Variants in ATP8A1 observed in about 807,000 individuals in gnomAD.
The protein encoded by ATP8A1 is ATPase phospholipid transporting 8A1, also known as phospholipid-transporting ATPase IA.
In ATP8A1, 90 loss-of-function variants were observed where a neutral mutation model predicts 177.7. The observed-to-expected ratio is 0.51, with a 90% CI of 0.43 to 0.60. The LOEUF (loss-of-function observed/expected upper bound fraction) is 0.60, where lower values mean the gene tolerates loss of function less well. Among genes scored for constraint, ATP8A1 ranks in the 20% least tolerant of loss-of-function variants. The pLI, the probability that ATP8A1 is intolerant of heterozygous loss-of-function variation, is 0.00. For missense variants in ATP8A1, 1,072 were observed against 1,392.8 expected, an observed-to-expected ratio of 0.77 and a Z score of 3.67; for synonymous variants, 493 against 485.9, an observed-to-expected ratio of 1.01 and a Z score of -0.19.
intron 12 of ATP8A1, 31 bp downstream of exon 12, chr4:42,578,228 GT>G (rs1334793099): frequency 6.5e-7 from 1 of 1,535,448 alleles, no homozygotes; most frequent in Non-Finnish European, 8.8e-7. Flanking sequence ...AAATTATTTT[GT>G]AGGGTGATAA....
At chr4:42,560,033 G>A (rs1334653891) in intron 15 of ATP8A1, among the ~76,000 whole-genome samples, 1 of 152,098 alleles carries the variant, frequency 6.6e-6, no homozygotes, top group Admixed American at 6.5e-5. Context: ...ATAGCAAAGA[G>A]TTAGGAAACA....
At chr4:42,635,810 T>TATATATATATATATATATACAC (rs1305090729) in intron 1 of ATP8A1, among the ~76,000 whole-genome samples, 2 of 103,896 alleles carry the variant, frequency 1.9e-5, no homozygotes, top group African/African-American at 1.0e-4. Context: ...TATATATATA[T>TATATATATATATATATATACAC]ACACATGTAT....
rs184246948 is a variant in ATP8A1 at position 42,435,239 on chromosome 4, A to G, written c.3123+8326T>C. 1.8e-3 allele frequency among the ~76,000 whole-genome samples: 281 copies of G among 151,904 alleles called. 3 individuals carry two copies. Among genetic ancestry groups the G allele is most frequent in the African/African-American group, 6.6e-3 (273 of 41,438 alleles). On this transcript the variant is annotated intron_variant, in intron 33 of 36. Transcript: ENST00000381668. The stretch of plus-strand genomic sequence containing the variant: ...TCAGGAGTTCGAGACCAGCCTGGCC[A>G]ACACGGCAAAAACCCATCTCTACTA...
chr4:42,588,779 A>T (rs767669656), intron 7 of ATP8A1, among the ~76,000 whole-genome samples: 2 of 152,254 alleles, frequency 1.3e-5, no homozygotes, highest in Non-Finnish European at 2.9e-5. Context: ...CCAGATTGCT[A>T]GTTCTACAAA....
intron 1 of ATP8A1, among the ~76,000 whole-genome samples, chr4:42,655,617 T>C (rs1157563878): frequency 6.6e-6 from 1 of 152,230 alleles, no homozygotes; most frequent in Non-Finnish European, 1.5e-5. Context: ...GTATTACAAA[T>C]GACAGCATGT....
intron 1 of ATP8A1, among the ~76,000 whole-genome samples, chr4:42,655,088 C>CA (rs1411440308): frequency 6.6e-6 from 1 of 152,222 alleles, no homozygotes. Context: ...ATGGCCCTGA[C>CA]ACTGTGCTGG....
At chr4:42,476,187 T>C (rs1721042879) in intron 25 of ATP8A1, among the ~76,000 whole-genome samples, 1 of 152,216 alleles carries the variant, frequency 6.6e-6, no homozygotes. Context: ...GTGGATTGTT[T>C]AGTAAATGCT....
At chr4:42,423,731 T>G (rs1714265894) in intron 33 of ATP8A1, 26 bp from the exon 34 acceptor site, 1 of 1,550,704 alleles carries the variant, frequency 6.4e-7, no homozygotes, top group Non-Finnish European at 8.8e-7. Flanking sequence ...GAAAAAACAT[T>G]ACTTTAAAAC....
intron 25 of ATP8A1, among the ~76,000 whole-genome samples, chr4:42,475,983 T>G (rs1195509448): frequency 6.6e-6 from 1 of 151,886 alleles, no homozygotes; most frequent in East Asian, 1.9e-4. Context: ...GAGGTTGCAG[T>G]GAGCTGAGAT....
At chr4:42,466,704 C>T (rs925425214) in intron 25 of ATP8A1, among the ~76,000 whole-genome samples, 7 of 152,218 alleles carry the variant, frequency 4.6e-5, no homozygotes, top group Non-Finnish European at 1.0e-4. Flanking sequence ...GTGAACTCAG[C>T]AAGGAAATGA....
chr4:42,464,619 C>A, intron 27 of ATP8A1, 71 bp downstream of exon 27: 2 of 848,804 alleles, frequency 2.4e-6, no homozygotes, highest in South Asian at 2.0e-5. Flanking sequence ...CATGAGAAAA[C>A]GTCTCCATAA....
chr4:42,569,251 C>G (rs1731670466), intron 14 of ATP8A1, 46 bp from the exon 15 acceptor site: 1 of 1,508,960 alleles, frequency 6.6e-7, no homozygotes, highest in African/African-American at 1.4e-5. Flanking sequence ...AAAATAATCA[C>G]AGAAAGGCTG....
chr4:42,537,598 C>T lies in ATP8A1; in HGVS notation c.1722+6319G>A, dbSNP rs1727980230. ...GGATACAAAATTAATGCACACAAAC[C>T]AGTAGCTCTGCTATACACCAACAGT... On this transcript the variant is annotated intron_variant, in intron 20 of 36. Coordinates refer to ENST00000381668, the MANE Select transcript of ATP8A1 (RefSeq NM_006095.2). Among the ~76,000 whole-genome samples the T allele has an allele frequency of 2.6e-5, 4 of 152,114 alleles. No homozygotes were observed. The South Asian group carries it at 8.3e-4, about 32-fold the overall frequency.
intron 3 of ATP8A1, chr4:42,625,107 G>A (rs1293726175): frequency 1.3e-5 from 2 of 150,664 alleles, no homozygotes; most frequent in East Asian, 3.9e-4. Flanking sequence ...AGTTGTCTCT[G>A]ATGGTAGAAT....
At chr4:42,460,693 T>G (rs1719033603) in intron 27 of ATP8A1, among the ~76,000 whole-genome samples, 1 of 152,210 alleles carries the variant, frequency 6.6e-6, no homozygotes. Flanking sequence ...AGCCTGGCTG[T>G]ATCTTTTTTG....
At chr4:42,628,208 C>T (rs1283442230) in intron 1 of ATP8A1, among the ~76,000 whole-genome samples, 2 of 152,136 alleles carry the variant, frequency 1.3e-5, no homozygotes, top group African/African-American at 4.8e-5. Context: ...AGCTGCTCCA[C>T]CCACTGATGA....
At chr4:42,624,719 T>G (rs1737858910) in intron 3 of ATP8A1, 85 bp from the exon 4 acceptor site, 4 of 640,072 alleles carry the variant, frequency 6.2e-6, no homozygotes, top group Admixed American at 6.7e-5. Flanking sequence ...CAGTGCCTTC[T>G]AAAATATGCC....
intron 15 of ATP8A1, among the ~76,000 whole-genome samples, chr4:42,558,057 AAAAC>A: frequency 6.6e-6 from 1 of 151,866 alleles, no homozygotes; most frequent in East Asian, 1.9e-4. Context: ...AACAAAAACA[AAAAC>A]AAAAAAACCA....
At chr4:42,543,137 C>T (rs1560439657) in intron 20 of ATP8A1, among the ~76,000 whole-genome samples, 1 of 152,166 alleles carries the variant, frequency 6.6e-6, no homozygotes, top group Non-Finnish European at 1.5e-5. Context: ...AATTGCATTT[C>T]ATTGTCTTTA....
Sources: gnomAD v4.1 joint callset for allele counts (sites outside exome capture counted in the v4.1 genomes callset) on GRCh38, gnomAD v4.1.1 for gene constraint, MANE v1.5 for transcripts, NCBI Gene and HGNC (gene_info 2026-07-23, HGNC 2026-07-21) for gene names.